The following KCTD16 variants were observed in gnomAD, a reference collection of about 807,000 sequenced individuals.
KCTD16 encodes BTB/POZ domain-containing protein KCTD16.
Under a neutral mutation model 33.2 loss-of-function variants are expected in KCTD16, and 13 were observed. That is an observed-to-expected ratio of 0.39 (90% CI 0.25 to 0.62). The LOEUF (loss-of-function observed/expected upper bound fraction) is 0.62. Among genes scored for constraint, KCTD16 ranks in the 20% least tolerant of loss-of-function variants. The pLI is 0.50. For synonymous variants in KCTD16, 197 were observed against 195.3 expected, an observed-to-expected ratio of 1.01 and a Z score of -0.07; for missense variants, 441 against 525.1, an observed-to-expected ratio of 0.84 and a Z score of 1.57.
intron 3 of KCTD16, among the ~76,000 whole-genome samples, chr5:144,230,113 GC>G (rs1175772440): frequency 6.6e-6 from 1 of 152,190 alleles, no homozygotes; most frequent in African/African-American, 2.4e-5. Flanking sequence ...CTGTACTTCA[GC>G]CTGGGTGACA....
rs1475897834 is a variant in KCTD16 at position 144,483,681 on chromosome 5, G to GA, written c.*9572dup. 2 of 152,072 alleles carry GA rather than the reference G, an allele frequency of 1.3e-5. No individual in the cohort carries two copies. The highest frequency in any genetic ancestry group is 1.9e-4 in the East Asian group (1 of 5,146). 9.4% of individuals were successfully genotyped at this position (152,072 alleles called of 1,614,324 possible). Reference sequence around the variant, plus strand: ...TGCTTTGCATATTACTGGGGAATGTGAAAAATATTTAAAGTCAACCTATGC... The same window carrying GA: ...TGCTTTGCATATTACTGGGGAATGTGAAAAAATATTTAAAGTCAACCTATGC... On this transcript the variant is annotated 3_prime_UTR_variant, in exon 4 of 4. Coordinates refer to ENST00000512467, the MANE Select transcript of KCTD16 (RefSeq NM_020768.4).
intron 3 of KCTD16, among the ~76,000 whole-genome samples, chr5:144,365,362 A>C (rs1206810060): frequency 6.6e-6 from 1 of 152,146 alleles, no homozygotes; most frequent in Non-Finnish European, 1.5e-5. Context: ...AATAATATTT[A>C]TTTATTTATT....
chr5:144,224,383 G>GTT (rs530446253), intron 3 of KCTD16, among the ~76,000 whole-genome samples: 41,209 of 100,432 alleles, frequency 0.41, 8,789 homozygotes, highest in East Asian at 0.53. Context: ...AATATAATGT[G>GTT]TTTTTTTTTT....
chr5:144,398,160 C>G (rs536173449), intron 3 of KCTD16, among the ~76,000 whole-genome samples: 1 of 152,250 alleles, frequency 6.6e-6, no homozygotes, highest in East Asian at 1.9e-4. Flanking sequence ...AAGTGGAAAT[C>G]CCACAGCAAA....
rs537837098 is a variant in KCTD16 at position 144,432,295 on chromosome 5, C to T, written c.833-41365C>T. 2.5e-4 allele frequency among the ~76,000 whole-genome samples: 38 copies of T among 152,168 alleles called. No individual in the cohort carries two copies. The South Asian group carries it at 7.0e-3, about 28-fold the overall frequency. On this transcript the variant is annotated intron_variant, in intron 3 of 3. Coordinates refer to ENST00000512467, the MANE Select transcript of KCTD16 (RefSeq NM_020768.4). Reference sequence around the variant, plus strand: ...TTTAGCTCCTTTTATGTGGTAGGAACATTAATAAGTGCTTACAAACCTTGT... The same window carrying T: ...TTTAGCTCCTTTTATGTGGTAGGAATATTAATAAGTGCTTACAAACCTTGT...
At chr5:144,390,001 A>G (rs926164337) in intron 3 of KCTD16, among the ~76,000 whole-genome samples, 2 of 152,202 alleles carry the variant, frequency 1.3e-5, no homozygotes, top group East Asian at 3.9e-4. Context: ...TGCTATCTCT[A>G]TGGCAGCTCT....
chr5:144,428,959 T>C (rs796443905), intron 3 of KCTD16, among the ~76,000 whole-genome samples: 9 of 152,312 alleles, frequency 5.9e-5, no homozygotes, highest in African/African-American at 1.9e-4. Flanking sequence ...ATAATATTTC[T>C]TACTTTCCTA....
chr5:144,265,021 C>T (rs1451419672), intron 3 of KCTD16, among the ~76,000 whole-genome samples: 1 of 152,194 alleles, frequency 6.6e-6, no homozygotes, highest in Non-Finnish European at 1.5e-5. Context: ...GAGACATATA[C>T]TTCCTAGCTG....
chr5:144,212,516 A>G lies in KCTD16; in HGVS notation c.832+4970A>G, dbSNP rs1358051782. On this transcript the variant is annotated intron_variant, in intron 3 of 3. Coordinates refer to ENST00000512467, the MANE Select transcript of KCTD16 (RefSeq NM_020768.4). The stretch of plus-strand genomic sequence containing the variant: ...AAAGAGAAGACCAAATATTTCTAAC[A>G]GCCTAATGAGGTTGTATCTAATCAA... Among the ~76,000 whole-genome samples the G allele has an allele frequency of 4.6e-5, 7 of 152,316 alleles. No homozygotes were observed. The South Asian group carries it at 1.5e-3, about 32-fold the overall frequency.
intron 3 of KCTD16, among the ~76,000 whole-genome samples, chr5:144,295,297 A>G (rs906547222): frequency 1.3e-5 from 2 of 152,202 alleles, no homozygotes; most frequent in African/African-American, 2.4e-5. Flanking sequence ...TGCCTGGCAT[A>G]TGTAAAGCTC....
chr5:144,251,389 AT>A lies in KCTD16; in HGVS notation c.832+43844del, dbSNP rs1336972630. Among the ~76,000 whole-genome samples, 3 of 152,202 alleles carry A rather than the reference AT, an allele frequency of 2.0e-5. No individual in the cohort carries two copies. In the East Asian group the frequency reaches 5.8e-4, roughly 29 times the overall value. ...CCTCATTTACAGTGAGATTATAAACATAGGCTTATTTTGAGCATTATGAGAT... is the reference window on the plus strand; with the variant it reads ...CCTCATTTACAGTGAGATTATAAACAAGGCTTATTTTGAGCATTATGAGAT... On this transcript the variant is annotated intron_variant, in intron 3 of 3. Transcript: ENST00000512467.
intron 2 of KCTD16, among the ~76,000 whole-genome samples, chr5:144,188,123 T>G (rs533825338): frequency 6.6e-6 from 1 of 152,344 alleles, no homozygotes; most frequent in South Asian, 2.1e-4. Context: ...ACAGCAAGGC[T>G]TCTTTGATGG....
rs1752458478 is a variant in KCTD16, at chr5:144,174,374, A to AT, written c.-425_-424insT. 6.6e-6 allele frequency: 1 copy of AT among 152,198 alleles called. No homozygotes were observed. The highest frequency in any genetic ancestry group is 1.5e-5 in the Non-Finnish European group (1 of 68,034). The allele number at this position is 152,198 out of a possible 1,614,324, so 9.4% of individuals were successfully genotyped here. On this transcript the variant is annotated 5_prime_UTR_variant, in exon 2 of 4. It adds an upstream start codon to the 5' untranslated region. Coordinates refer to ENST00000512467, the MANE Select transcript of KCTD16 (RefSeq NM_020768.4). ...ACATGGGCAGTTTTCTCCTACCGTC[A>AT]GCTATATCCACAAGCATCACATGAA...
intron 3 of KCTD16, among the ~76,000 whole-genome samples, chr5:144,303,597 A>G (rs1454773300): frequency 6.6e-6 from 1 of 152,164 alleles, no homozygotes; most frequent in Non-Finnish European, 1.5e-5. Context: ...TTTAGTTGTT[A>G]TCAGAAATAT....
chr5:144,386,522 T>C (rs950067936), intron 3 of KCTD16, among the ~76,000 whole-genome samples: 8 of 152,214 alleles, frequency 5.3e-5, no homozygotes, highest in Non-Finnish European at 2.9e-5. Context: ...GTACAGTTCC[T>C]ACTTTAGACT....
intron 3 of KCTD16, among the ~76,000 whole-genome samples, chr5:144,463,258 A>G (rs1338510428): frequency 6.6e-6 from 1 of 152,178 alleles, no homozygotes; most frequent in Non-Finnish European, 1.5e-5. Context: ...GTGGGTTCTG[A>G]GTAGACTGCC....
intron 3 of KCTD16, among the ~76,000 whole-genome samples, chr5:144,324,287 TC>T (rs1240293823): frequency 2.6e-5 from 4 of 152,278 alleles, no homozygotes; most frequent in African/African-American, 9.6e-5. Context: ...ATCTGATAAT[TC>T]TATTTACCAG....
chr5:144,316,175 C>G (rs1751907652), intron 3 of KCTD16, among the ~76,000 whole-genome samples: 1 of 152,142 alleles, frequency 6.6e-6, no homozygotes, highest in Admixed American at 6.5e-5. Flanking sequence ...CCACAGACTC[C>G]TGGTAAGCAA....
chr5:144,326,731 G>T (rs1752217245), intron 3 of KCTD16, among the ~76,000 whole-genome samples: 1 of 148,470 alleles, frequency 6.7e-6, no homozygotes, highest in Non-Finnish European at 1.5e-5. Context: ...AAGAAAGAAA[G>T]AAAAATCCAG....
Sources: gnomAD v4.1 joint callset for allele counts (sites outside exome capture counted in the v4.1 genomes callset) on GRCh38, gnomAD v4.1.1 for gene constraint, MANE v1.5 for transcripts, NCBI Gene and HGNC (gene_info 2026-07-23, HGNC 2026-07-21) for gene names.